DISC1: variants seen among roughly 807,000 people sequenced by gnomAD.
DISC1 encodes disrupted in schizophrenia 1 protein.
A neutral mutation model predicts 84.5 loss-of-function variants in DISC1; 57 were observed. That is an observed-to-expected ratio of 0.67 (90% CI 0.55 to 0.84). DISC1 has a LOEUF of 0.84. DISC1 is among the 40% of genes least tolerant of loss of function. The pLI, the probability that DISC1 is intolerant of heterozygous loss-of-function variation, is 0.00. For missense variants in DISC1, 1,000 were observed against 1,057.8 expected (o/e 0.95, Z 0.76); for synonymous variants, 411 against 415.2 (o/e 0.99, Z 0.12).
At chr1:231,655,222 A>G (rs1431681159) in intron 1 of DISC1, among the ~76,000 whole-genome samples, 3 of 152,166 alleles carry the variant, frequency 2.0e-5, no homozygotes, top group Admixed American at 6.5e-5. Context: ...ATTGTGCCCA[A>G]TATGTAACTT....
At chr1:231,751,265 C>T (rs200729749) in intron 4 of DISC1, among the ~76,000 whole-genome samples, 10 of 152,118 alleles carry the variant, frequency 6.6e-5, no homozygotes, top group African/African-American at 1.9e-4. Flanking sequence ...TATTTCTTGT[C>T]GTCTACTCCA....
chr1:231,900,829 A>G (rs2088114474), intron 9 of DISC1, among the ~76,000 whole-genome samples: 1 of 152,186 alleles, frequency 6.6e-6, no homozygotes, highest in African/African-American at 2.4e-5. Context: ...TAATATTCAG[A>G]CTAGTTTCAT....
intron 1 of DISC1, among the ~76,000 whole-genome samples, chr1:231,664,913 AT>A (rs946610618): frequency 1.3e-5 from 2 of 152,002 alleles, no homozygotes; most frequent in African/African-American, 2.4e-5. Flanking sequence ...TAAAAAAAAA[AT>A]AAGAAAAAGC....
chr1:231,895,439 T>A (rs2087612372), intron 9 of DISC1, among the ~76,000 whole-genome samples: 1 of 151,932 alleles, frequency 6.6e-6, no homozygotes, highest in Admixed American at 6.6e-5. Flanking sequence ...TGTATATATA[T>A]ATATATGAGA....
chr1:231,864,436 G>A (rs1432957654), intron 9 of DISC1, among the ~76,000 whole-genome samples: 1 of 152,110 alleles, frequency 6.6e-6, no homozygotes, highest in Non-Finnish European at 1.5e-5. Context: ...GGCCGAGGTG[G>A]GCAGATCACG....
chr1:231,713,187 G>A (rs11122323), intron 3 of DISC1, among the ~76,000 whole-genome samples: 42,786 of 152,016 alleles, frequency 0.28, 6,668 homozygotes, highest in East Asian at 0.36. Flanking sequence ...GTGAGAGTCC[G>A]ATAGCCAGAG....
At chr1:231,950,533 G>A (rs1474318845) in intron 9 of DISC1, among the ~76,000 whole-genome samples, 2 of 152,212 alleles carry the variant, frequency 1.3e-5, no homozygotes, top group African/African-American at 4.8e-5. Context: ...AGGCTGTGAA[G>A]TGAACCTGCT....
In DISC1 at chr1:231,698,750, C is replaced by T. The variant is rs909038395; in HGVS notation, c.1048-3205C>T. 6.6e-6 allele frequency among the ~76,000 whole-genome samples: 1 copy of T among 152,102 alleles called. No individual in the cohort carries two copies. Among genetic ancestry groups the T allele is most frequent in the Non-Finnish European group, 1.5e-5 (1 of 68,028 alleles). On this transcript the variant is annotated intron_variant, in intron 2 of 12. Coordinates refer to ENST00000439617, the MANE Select transcript of DISC1 (RefSeq NM_018662.3). This position sits in a 1 kb window ranked among gnomAD's most constrained non-coding sequence, Gnocchi z 4.9. ...TAATGATACCATCATTTGGGTGTGGCGATGGTAATGCTATAGCTTTATGTG... is the reference window on the plus strand; with the variant it reads ...TAATGATACCATCATTTGGGTGTGGTGATGGTAATGCTATAGCTTTATGTG...
At chr1:231,792,759 C>T (rs1223945175) in intron 6 of DISC1, among the ~76,000 whole-genome samples, 1 of 152,220 alleles carries the variant, frequency 6.6e-6, no homozygotes, top group Non-Finnish European at 1.5e-5. Flanking sequence ...GCCCCAATCT[C>T]CATGTCTGTG....
At chr1:231,799,975 C>G in intron 7 of DISC1, 133 bp from the exon 8 acceptor site, 1 of 629,186 alleles carries the variant, frequency 1.6e-6, no homozygotes, top group South Asian at 1.5e-5. Flanking sequence ...GCTTTTTGAA[C>G]ATTGTCTTCC....
chr1:231,700,076 A>G lies in DISC1; in HGVS notation c.1048-1879A>G, dbSNP rs539160191. ...AATGTCACCATCTCAAGGAGATCAG[A>G]TTTCAAATTGCAACCTCTACCCTCT... is the stretch of plus-strand genomic sequence containing the variant. On this transcript the variant is annotated intron_variant, in intron 2 of 12. Transcript: ENST00000439617. Among the ~76,000 whole-genome samples, 4 of 152,286 alleles carry G rather than the reference A, an allele frequency of 2.6e-5. No homozygotes were observed. The East Asian group carries it at 5.8e-4, about 22-fold the overall frequency.
intron 10 of DISC1, among the ~76,000 whole-genome samples, chr1:232,007,715 G>A (rs1386856022): frequency 6.6e-6 from 1 of 152,150 alleles, no homozygotes; most frequent in Non-Finnish European, 1.5e-5. Flanking sequence ...TTGGGGTACT[G>A]TTGGAAAAGC....
chr1:231,841,354 T>C (rs1183865817), intron 9 of DISC1, among the ~76,000 whole-genome samples: 1 of 152,260 alleles, frequency 6.6e-6, no homozygotes, highest in East Asian at 1.9e-4. Flanking sequence ...GGGCAAAGCC[T>C]GGCACAAGCC....
intron 4 of DISC1, among the ~76,000 whole-genome samples, chr1:231,757,148 C>T (rs1287076907): frequency 6.6e-6 from 1 of 152,178 alleles, no homozygotes; most frequent in African/African-American, 2.4e-5. Flanking sequence ...ATTAATAACT[C>T]AAATAAGTGC....
At chr1:231,765,403 G>A (rs1046946062) in intron 4 of DISC1, among the ~76,000 whole-genome samples, 7 of 151,858 alleles carry the variant, frequency 4.6e-5, no homozygotes, top group Admixed American at 1.3e-4. Context: ...TGGAATTTCT[G>A]GTTGGTGCAC....
intron 6 of DISC1, among the ~76,000 whole-genome samples, chr1:231,788,809 G>A (rs867912050): frequency 6.6e-6 from 1 of 152,272 alleles, no homozygotes; most frequent in African/African-American, 2.4e-5. Context: ...GCAGTGGTGG[G>A]AAATGGGGAT....
chr1:231,744,066 G>C (rs980133195), intron 3 of DISC1, among the ~76,000 whole-genome samples: 1 of 152,134 alleles, frequency 6.6e-6, no homozygotes, highest in Non-Finnish European at 1.5e-5. Context: ...TTTTAATTTA[G>C]ACTTGAGTCT....
intron 3 of DISC1, among the ~76,000 whole-genome samples, chr1:231,707,040 T>A (rs1167941902): frequency 6.6e-6 from 1 of 152,180 alleles, no homozygotes; most frequent in East Asian, 1.9e-4. Flanking sequence ...CCCCAGAGAT[T>A]TCCTTTTCCC....
chr1:231,771,321 C>T (rs1041243162), intron 6 of DISC1: 1 of 984,514 alleles, frequency 1.0e-6, no homozygotes, highest in African/African-American at 1.7e-5. Flanking sequence ...AATATGCACC[C>T]TCCCCATTTC....
Sources: allele counts gnomAD v4.1 joint callset (sites outside exome capture counted in the v4.1 genomes callset), GRCh38; gene constraint gnomAD v4.1.1; non-coding constraint Gnocchi (gnomAD v3.1); transcripts MANE v1.5; gene names NCBI Gene and HGNC (gene_info 2026-07-23, HGNC 2026-07-21).